EIF4E: variants seen among roughly 807,000 people sequenced by gnomAD.
The protein encoded by EIF4E is eukaryotic translation initiation factor 4E, also known as eIF-4F 25 kDa subunit.
For missense variants in EIF4E, 113 were observed against 265.6 expected, an observed-to-expected ratio of 0.43 and a Z score of 3.99; for synonymous variants, 71 against 88.5, an observed-to-expected ratio of 0.80 and a Z score of 1.11.
chr4:98,892,104 T>C (rs557706746), intron 2 of EIF4E, among the ~76,000 whole-genome samples: 4 of 151,980 alleles, frequency 2.6e-5, no homozygotes, highest in Non-Finnish European at 4.4e-5. Context: ...CCCAGCACTC[T>C]GGGAGGCTGA....
chr4:98,926,593 T>C (rs1163278068), intron 1 of EIF4E: 1 of 152,166 alleles, frequency 6.6e-6, no homozygotes, highest in African/African-American at 2.4e-5. Context: ...CGATACTATT[T>C]TACATATATT....
At chr4:98,922,198 A>G (rs139110532) in intron 1 of EIF4E, among the ~76,000 whole-genome samples, 2 of 152,240 alleles carry the variant, frequency 1.3e-5, no homozygotes, top group Non-Finnish European at 2.9e-5. Flanking sequence ...CCACCCCACC[A>G]CTTAATAGCT....
chr4:98,925,222 C>G (rs1725818736), intron 1 of EIF4E, among the ~76,000 whole-genome samples: 1 of 152,150 alleles, frequency 6.6e-6, no homozygotes, highest in Non-Finnish European at 1.5e-5. Context: ...TCAAAAAATT[C>G]AAGAGCTACA....
chr4:98,921,940 G>A (rs1162784987), intron 1 of EIF4E, among the ~76,000 whole-genome samples: 2 of 152,144 alleles, frequency 1.3e-5, no homozygotes, highest in African/African-American at 4.8e-5. Flanking sequence ...ACTAAAACAC[G>A]ATTGGTGTAA....
chr4:98,909,971 A>T, intron 1 of EIF4E: 1 of 488,740 alleles, frequency 2.0e-6, no homozygotes, highest in South Asian at 4.1e-5. Context: ...TCAAATATGT[A>T]AATTAGTATA....
chr4:98,904,139 CA>C (rs1724763116), intron 1 of EIF4E, among the ~76,000 whole-genome samples: 1 of 152,108 alleles, frequency 6.6e-6, no homozygotes, highest in Non-Finnish European at 1.5e-5. Flanking sequence ...ACAGCTAAGC[CA>C]AAACTTGCAA....
chr4:98,891,181 A>C (rs1210877395), intron 3 of EIF4E, 56 bp downstream of exon 3: 2 of 1,580,584 alleles, frequency 1.3e-6, no homozygotes, highest in Non-Finnish European at 1.7e-6. Flanking sequence ...ACTTAAAAAT[A>C]AAAAAACTAC....
intron 1 of EIF4E, among the ~76,000 whole-genome samples, chr4:98,915,958 AGGCGGGCGG>A (rs1360588775): frequency 2.6e-5 from 4 of 151,282 alleles, no homozygotes. Context: ...TGGGAGGCCG[AGGCGGGCGG>A]ATCACTTGAG....
chr4:98,916,946 G>A (rs1183570172), intron 1 of EIF4E, among the ~76,000 whole-genome samples: 1 of 152,060 alleles, frequency 6.6e-6, no homozygotes, highest in Non-Finnish European at 1.5e-5. Context: ...GGAGATCCAG[G>A]GAAGACAAAT....
In EIF4E at chr4:98,896,486, C is replaced by CAAAAAAAAAA. The variant is rs59729154; in HGVS notation, c.126-5164_126-5155dup. On this transcript the variant is annotated intron_variant, in intron 2 of 6. Transcript: ENST00000450253. ...CAACATAGCAAGACCCCGCATCTCTCAAAAAAAAAAAAAAAAAAAAAAAAC... is the reference window on the plus strand; with the variant it reads ...CAACATAGCAAGACCCCGCATCTCTCAAAAAAAAAAAAAAAAAAAAAAAAAAAAAAAAAAC... Among the ~76,000 whole-genome samples, 20 of 39,006 alleles carry CAAAAAAAAAA rather than the reference C, an allele frequency of 5.1e-4. 2 individuals carry two copies. The highest frequency in any genetic ancestry group is 2.2e-3 in the African/African-American group (18 of 8,210). The allele number at this position is 39,006 out of a possible 152,430, so 25.6% of individuals were successfully genotyped here.
intron 3 of EIF4E, among the ~76,000 whole-genome samples, chr4:98,888,589 A>G (rs1724017944): frequency 6.6e-6 from 1 of 152,204 alleles, no homozygotes; most frequent in Non-Finnish European, 1.5e-5. Flanking sequence ...TGCAGTCTGT[A>G]TTTCTAAACT....
chr4:98,929,124 C>A lies in EIF4E; in HGVS notation c.-12G>T, dbSNP rs1721368450. 1.3e-6 allele frequency: 2 copies of A among 1,568,912 alleles called. No homozygotes were observed. Among genetic ancestry groups the A allele is most frequent in the African/African-American group, 1.4e-5 (1 of 73,632 alleles). On this transcript the variant is annotated 5_prime_UTR_variant, in exon 1 of 7. Coordinates refer to ENST00000450253, the MANE Select transcript of EIF4E (RefSeq NM_001968.5). Reference sequence around the variant, plus strand: ...TCGACAGTCGCCATCTTAGATCGATCTGATCGCACAACCGCTCCAGAAGGG... The same window carrying A: ...TCGACAGTCGCCATCTTAGATCGATATGATCGCACAACCGCTCCAGAAGGG...
At chr4:98,928,959 G>C in intron 1 of EIF4E, 136 bp downstream of exon 1, 1 of 1,578,692 alleles carries the variant, frequency 6.3e-7, no homozygotes, top group Non-Finnish European at 8.6e-7. Context: ...TCCGCGGGAG[G>C]TCAGGTCCAA....
rs1723848661 is a variant in EIF4E at position 98,884,805 on chromosome 4, A to G, written c.539+117T>C. ...CAAAATTATAAAAGTGTTCACGAAA[A>G]CAATACAAGGAAAACAGGATCTACA... On this transcript the variant is annotated intron_variant, in intron 6 of 6. Transcript: ENST00000450253. 3 of 1,399,632 alleles carry G rather than the reference A, an allele frequency of 2.1e-6. No homozygotes were observed. In the Admixed American group the frequency reaches 6.1e-5, roughly 28 times the overall value. The allele number at this position is 1,399,632 out of a possible 1,614,324, so 86.7% of individuals were successfully genotyped here.
chr4:98,891,578 A>T, intron 2 of EIF4E: 1 of 499,168 alleles, frequency 2.0e-6, no homozygotes, highest in Non-Finnish European at 3.6e-6. Flanking sequence ...AAAGACAAAT[A>T]CTGTATGATT....
chr4:98,908,243 G>C (rs1484711468), intron 1 of EIF4E, among the ~76,000 whole-genome samples: 1 of 152,072 alleles, frequency 6.6e-6, no homozygotes, highest in Non-Finnish European at 1.5e-5. Flanking sequence ...TCGTGATTAA[G>C]TTAGAAATAA....
chr4:98,918,801 A>G (rs1396707548), intron 1 of EIF4E, among the ~76,000 whole-genome samples: 3 of 152,252 alleles, frequency 2.0e-5, no homozygotes, highest in Non-Finnish European at 1.5e-5. Context: ...ATGTGCCAGA[A>G]AAGTGCACAT....
In EIF4E at chr4:98,886,329, T is replaced by C. The variant is rs147956897; in HGVS notation, c.399+750A>G. 6.7e-5 allele frequency: 19 copies of C among 282,334 alleles called. No homozygotes were observed. In the East Asian group the frequency reaches 1.8e-3, roughly 26 times the overall value. The allele number at this position is 282,334 out of a possible 1,614,324, so 17.5% of individuals were successfully genotyped here. ...AATGCTTATTATCTCATATTTAATT[T>C]GTCTTGTAAAGCCAGAAGTTCCAGT... is the stretch of plus-strand genomic sequence containing the variant. On this transcript the variant is annotated intron_variant, in intron 5 of 6. Transcript: ENST00000450253.
intron 1 of EIF4E, among the ~76,000 whole-genome samples, chr4:98,925,563 C>T (rs890632962): frequency 2.0e-5 from 3 of 152,180 alleles, no homozygotes; most frequent in Non-Finnish European, 4.4e-5. Flanking sequence ...CCCTTTCAAG[C>T]TTCTCAACAA....
Sources: allele counts gnomAD v4.1 joint callset (sites outside exome capture counted in the v4.1 genomes callset), GRCh38; gene constraint gnomAD v4.1.1; transcripts MANE v1.5; gene names NCBI Gene and HGNC (gene_info 2026-07-23, HGNC 2026-07-21).